The following COLEC12 variants were observed in gnomAD, a reference collection of about 807,000 sequenced individuals.
COLEC12 encodes the protein collectin-12.
In COLEC12, 33 loss-of-function variants were observed where a neutral mutation model predicts 71.1. The ratio of observed to expected loss-of-function variants is 0.46; its 90% confidence interval spans 0.35 to 0.62. COLEC12 has a LOEUF of 0.62. COLEC12 is among the 20% of genes least tolerant of loss of function. The pLI is 0.00. For synonymous variants in COLEC12, 350 were observed against 353.0 expected (o/e 0.99, Z 0.10); for missense variants, 765 against 916.1 (o/e 0.84, Z 2.13).
At chr18:453,737 T>C (rs1470652789) in intron 2 of COLEC12, among the ~76,000 whole-genome samples, 1 of 152,228 alleles carries the variant, frequency 6.6e-6, no homozygotes, top group Non-Finnish European at 1.5e-5. Flanking sequence ...TACGCTCCAC[T>C]GAATGTATAA....
At chr18:335,253 G>A in intron 5 of COLEC12, 23 bp from the exon 6 acceptor site, 3 of 1,565,388 alleles carry the variant, frequency 1.9e-6, no homozygotes, top group Non-Finnish European at 1.7e-6. Flanking sequence ...AGAAAAAGGT[G>A]TCAACATGAA....
rs892554748 is a variant in COLEC12, at chr18:340,166, T to C, written c.1328-4936A>G. On this transcript the variant is annotated intron_variant, in intron 5 of 9. Coordinates refer to ENST00000400256, the MANE Select transcript of COLEC12 (RefSeq NM_130386.3). The stretch of plus-strand genomic sequence containing the variant: ...GAGTTGAGAAAACAGCAACGCCGCA[T>C]GTGGAAACACATGTGATGTCCTACG... Among the ~76,000 whole-genome samples, 5 of 151,096 alleles carry C rather than the reference T, an allele frequency of 3.3e-5. No individual in the cohort carries two copies. The South Asian group carries it at 1.0e-3, about 32-fold the overall frequency.
chr18:366,666 A>AC (rs1445762234), intron 2 of COLEC12, among the ~76,000 whole-genome samples: 1 of 152,194 alleles, frequency 6.6e-6, no homozygotes, highest in East Asian at 1.9e-4. Context: ...CAAAGGCATG[A>AC]CTGGAGTACA....
intron 6 of COLEC12, 84 bp from the exon 7 acceptor site, chr18:333,227 A>C: frequency 8.3e-7 from 1 of 1,198,394 alleles, no homozygotes; most frequent in Non-Finnish European, 1.2e-6. Context: ...AGAGGCCAAA[A>C]CTGTGGTCCC....
chr18:441,535 C>A (rs890078194), intron 2 of COLEC12, among the ~76,000 whole-genome samples: 3 of 152,106 alleles, frequency 2.0e-5, no homozygotes. Context: ...GCATTCACGG[C>A]GATGGATCTG....
intron 2 of COLEC12, among the ~76,000 whole-genome samples, chr18:429,914 G>T (rs1383489058): frequency 1.3e-5 from 2 of 152,076 alleles, no homozygotes; most frequent in Non-Finnish European, 2.9e-5. Context: ...GGTATCACAG[G>T]TCTATTGTTA....
At chr18:495,718 C>A (rs1257071678) in intron 1 of COLEC12, among the ~76,000 whole-genome samples, 1 of 152,226 alleles carries the variant, frequency 6.6e-6, no homozygotes, top group Non-Finnish European at 1.5e-5. Flanking sequence ...AGCGTGACAG[C>A]ACACAGTAGG....
At position 319,335 on chromosome 18, in the gene COLEC12, AAAAAAAAT is replaced by A. The variant is rs1368432935; in HGVS notation, c.*702_*709del. 16 of 42,116 alleles carry A rather than the reference AAAAAAAAT, an allele frequency of 3.8e-4. No individual in the cohort carries two copies. In the East Asian group the frequency reaches 7.8e-3, roughly 21 times the overall value. 2.6% of individuals were successfully genotyped at this position (42,116 alleles called of 1,614,324 possible). On this transcript the variant is annotated 3_prime_UTR_variant, in exon 10 of 10. Coordinates refer to ENST00000400256, the MANE Select transcript of COLEC12 (RefSeq NM_130386.3). ...AAATGAAACATTAAAAAAAAAAAAAAAAAAAAATATATATATATATATATATATACACA... is the reference window on the plus strand; with the variant it reads ...AAATGAAACATTAAAAAAAAAAAAAAATATATATATATATATATATACACA...
chr18:373,616 G>A (rs1032653643), intron 2 of COLEC12, among the ~76,000 whole-genome samples: 6 of 152,104 alleles, frequency 3.9e-5, no homozygotes, highest in South Asian at 2.1e-4. Context: ...AACAAATCTC[G>A]TTGTCAATTT....
intron 2 of COLEC12, among the ~76,000 whole-genome samples, chr18:472,286 G>C (rs991022883): frequency 1.3e-5 from 2 of 152,148 alleles, no homozygotes; most frequent in Non-Finnish European, 2.9e-5. Flanking sequence ...GCTCTCCATG[G>C]AAGCTGCTCC....
At chr18:371,234 AG>A (rs1355344588) in intron 2 of COLEC12, among the ~76,000 whole-genome samples, 1 of 152,248 alleles carries the variant, frequency 6.6e-6, no homozygotes, top group Non-Finnish European at 1.5e-5. Flanking sequence ...AATCTCATGT[AG>A]AACTGTGGTA....
chr18:469,164 A>T (rs2143749882), intron 2 of COLEC12, among the ~76,000 whole-genome samples: 1 of 152,352 alleles, frequency 6.6e-6, no homozygotes, highest in Non-Finnish European at 1.5e-5. Context: ...AGACGGAAAG[A>T]GGTGGGGGCA....
At chr18:460,730 A>T (rs12454580) in intron 2 of COLEC12, among the ~76,000 whole-genome samples, 22,052 of 152,120 alleles carry the variant, frequency 0.14, 2,292 homozygotes, top group East Asian at 0.48. Context: ...CCCAGTCACC[A>T]ACCTCCCCCA....
intron 5 of COLEC12, among the ~76,000 whole-genome samples, chr18:345,783 T>G (rs1259940143): frequency 6.6e-6 from 1 of 152,280 alleles, no homozygotes; most frequent in Admixed American, 6.5e-5. Flanking sequence ...CCACAGATTC[T>G]TAGTTACACT....
rs898715723 is a variant in COLEC12, at chr18:400,049, A to T, written c.59-42527T>A. 7.9e-5 allele frequency among the ~76,000 whole-genome samples: 12 copies of T among 152,154 alleles called. 1 individual carries two copies. Among genetic ancestry groups the T allele is most frequent in the Admixed American group, 7.9e-4 (12 of 15,274 alleles). The stretch of plus-strand genomic sequence containing the variant: ...GACTTCCAGCTTTCTCTTAGTATAA[A>T]TGGTTAACCCTTTCATCTCCATTTG... On this transcript the variant is annotated intron_variant, in intron 2 of 9. Coordinates refer to ENST00000400256, the MANE Select transcript of COLEC12 (RefSeq NM_130386.3).
At chr18:372,226 T>C (rs1305094235) in intron 2 of COLEC12, among the ~76,000 whole-genome samples, 1 of 152,110 alleles carries the variant, frequency 6.6e-6, no homozygotes, top group South Asian at 2.1e-4. Context: ...AAATAGGTAA[T>C]AGATTGAAAA....
At chr18:359,046 C>A (rs985381739) in intron 2 of COLEC12, among the ~76,000 whole-genome samples, 5 of 152,090 alleles carry the variant, frequency 3.3e-5, no homozygotes, top group Admixed American at 1.3e-4. Context: ...TTTAAACATT[C>A]AAATTTACTT....
intron 2 of COLEC12, among the ~76,000 whole-genome samples, chr18:392,195 G>A (rs1483647183): frequency 1.3e-5 from 2 of 152,188 alleles, no homozygotes; most frequent in African/African-American, 2.4e-5. Context: ...TACCTACAGT[G>A]TTTGTAATTT....
At chr18:419,506 T>C (rs1272805752) in intron 2 of COLEC12, among the ~76,000 whole-genome samples, 1 of 152,192 alleles carries the variant, frequency 6.6e-6, no homozygotes, top group Non-Finnish European at 1.5e-5. Flanking sequence ...TGCCCAGCCC[T>C]GTATATATTT....
Sources: gnomAD v4.1 joint callset for allele counts (sites outside exome capture counted in the v4.1 genomes callset) on GRCh38, gnomAD v4.1.1 for gene constraint, MANE v1.5 for transcripts, NCBI Gene and HGNC (gene_info 2026-07-23, HGNC 2026-07-21) for gene names.